The following NLK variants were observed in gnomAD, a reference collection of about 807,000 sequenced individuals.
NLK encodes serine/threonine-protein kinase NLK.
Under a neutral mutation model 59.0 loss-of-function variants are expected in NLK, and 11 were observed. The observed-to-expected ratio is 0.19, with a 90% CI of 0.12 to 0.31. The LOEUF is 0.31. Ranked by LOEUF, NLK falls within the 10% of genes least tolerant of loss-of-function variation. NLK has a pLI of 1.00. For synonymous variants in NLK, 235 were observed against 235.9 expected, an observed-to-expected ratio of 1.00 and a Z score of 0.03; for missense variants, 410 against 661.1, an observed-to-expected ratio of 0.62 and a Z score of 4.16.
intron 10 of NLK, among the ~76,000 whole-genome samples, chr17:28,193,019 T>G (rs1174099338): frequency 3.3e-5 from 5 of 152,232 alleles, no homozygotes; most frequent in Admixed American, 3.3e-4. Context: ...TGTCTGTCCT[T>G]TCCTTCTCTT....
intron 1 of NLK, among the ~76,000 whole-genome samples, chr17:28,056,683 A>G (rs1171985424): frequency 1.3e-5 from 2 of 152,208 alleles, no homozygotes; most frequent in African/African-American, 4.8e-5. Context: ...TTCATGTTAT[A>G]TGTAACTAAG....
At chr17:28,188,080 G>A (rs1004856188) in intron 8 of NLK, among the ~76,000 whole-genome samples, 1 of 152,120 alleles carries the variant, frequency 6.6e-6, no homozygotes, top group African/African-American at 2.4e-5. Flanking sequence ...GCACATGCCT[G>A]TAGTTCCAGC....
intron 6 of NLK, chr17:28,171,438 G>C (rs913149144): frequency 6.6e-6 from 1 of 152,214 alleles, no homozygotes; most frequent in African/African-American, 2.4e-5. Flanking sequence ...AAATTGGTAA[G>C]ATAGTTTGCT....
chr17:28,182,079 A>C (rs191536249), intron 7 of NLK, among the ~76,000 whole-genome samples: 1 of 152,114 alleles, frequency 6.6e-6, no homozygotes, highest in African/African-American at 2.4e-5. Flanking sequence ...AGATGGTCCA[A>C]CCCCCTCATT....
chr17:28,146,647 C>G (rs556991290), intron 3 of NLK, among the ~76,000 whole-genome samples: 4 of 152,110 alleles, frequency 2.6e-5, no homozygotes, highest in Non-Finnish European at 5.9e-5. Flanking sequence ...ACAAACACAC[C>G]GCCTCCCACT....
intron 1 of NLK, among the ~76,000 whole-genome samples, chr17:28,075,829 G>A (rs963732152): frequency 5.3e-5 from 8 of 151,432 alleles, no homozygotes; most frequent in African/African-American, 9.7e-5. Context: ...TCCTCTTCCC[G>A]CACCCTTTAA....
intron 7 of NLK, among the ~76,000 whole-genome samples, chr17:28,181,228 G>A (rs895538695): frequency 7.9e-5 from 12 of 151,948 alleles, no homozygotes; most frequent in Admixed American, 2.6e-4. Flanking sequence ...GCAAAACCCC[G>A]CTCCACTAAA....
intron 1 of NLK, among the ~76,000 whole-genome samples, chr17:28,119,167 A>G (rs1035953256): frequency 3.3e-5 from 5 of 152,330 alleles, no homozygotes; most frequent in African/African-American, 1.2e-4. Context: ...GAATTCCTGT[A>G]TAACATGCTT....
At chr17:28,058,917 C>T (rs191472902) in intron 1 of NLK, among the ~76,000 whole-genome samples, 23 of 152,168 alleles carry the variant, frequency 1.5e-4, no homozygotes, top group Non-Finnish European at 2.2e-4. Context: ...CTTGAGCTCA[C>T]GAGATCAAGA....
At chr17:28,107,006 T>C (rs1567715523) in intron 1 of NLK, among the ~76,000 whole-genome samples, 1 of 152,210 alleles carries the variant, frequency 6.6e-6, no homozygotes, top group Non-Finnish European at 1.5e-5. Flanking sequence ...TTTTTAACTT[T>C]AAAAACTAGA....
intron 1 of NLK, among the ~76,000 whole-genome samples, chr17:28,053,929 T>C (rs1465008944): frequency 6.6e-6 from 1 of 152,220 alleles, no homozygotes; most frequent in Non-Finnish European, 1.5e-5. Flanking sequence ...AAGGGTACAA[T>C]TATCAGGTGA....
chr17:28,161,106 T>G, intron 3 of NLK, 54 bp from the exon 4 acceptor site: 1 of 949,776 alleles, frequency 1.1e-6, no homozygotes, highest in South Asian at 1.3e-5. Context: ...GGTCACCACT[T>G]TGAGGGGGTA....
At chr17:28,078,338 T>TA (rs570321121) in intron 1 of NLK, among the ~76,000 whole-genome samples, 63 of 152,352 alleles carry the variant, frequency 4.1e-4, no homozygotes, top group Non-Finnish European at 7.3e-4. Flanking sequence ...TTAGATCTTT[T>TA]ACCATTAAAA....
chr17:28,116,757 A>G (rs1905792403), intron 1 of NLK, among the ~76,000 whole-genome samples: 1 of 152,212 alleles, frequency 6.6e-6, no homozygotes, highest in South Asian at 2.1e-4. Context: ...TGTTAAATAT[A>G]AATTTTTTTC....
At chr17:28,110,378 G>A (rs1294803140) in intron 1 of NLK, among the ~76,000 whole-genome samples, 1 of 151,574 alleles carries the variant, frequency 6.6e-6, no homozygotes, top group Non-Finnish European at 1.5e-5. Flanking sequence ...TTATCATATT[G>A]TTGTTTTTCT....
chr17:28,135,604 T>C (rs1260209803), intron 3 of NLK, among the ~76,000 whole-genome samples: 1 of 152,262 alleles, frequency 6.6e-6, no homozygotes, highest in Non-Finnish European at 1.5e-5. Flanking sequence ...ACTTTCGGAA[T>C]GTGCAGGGTT....
At chr17:28,130,975 A>G (rs775306528) in intron 2 of NLK, among the ~76,000 whole-genome samples, 18 of 152,298 alleles carry the variant, frequency 1.2e-4, no homozygotes, top group Admixed American at 2.6e-4. Flanking sequence ...GTTTATACCA[A>G]AATTCTAAAT....
intron 2 of NLK, among the ~76,000 whole-genome samples, chr17:28,124,785 C>T (rs186969358): frequency 2.8e-4 from 43 of 152,172 alleles, no homozygotes; most frequent in African/African-American, 1.0e-3. Flanking sequence ...CGCAGTAGCT[C>T]ATGCTTGTAA....
intron 3 of NLK, among the ~76,000 whole-genome samples, chr17:28,144,617 G>C (rs1907162493): frequency 6.6e-6 from 1 of 152,128 alleles, no homozygotes; most frequent in South Asian, 2.1e-4. Context: ...TTAACCTTCT[G>C]GTTAACCTTC....
Sources: gnomAD v4.1 joint callset for allele counts (sites outside exome capture counted in the v4.1 genomes callset) on GRCh38, gnomAD v4.1.1 for gene constraint, MANE v1.5 for transcripts, NCBI Gene and HGNC (gene_info 2026-07-23, HGNC 2026-07-21) for gene names.